The following PLCH1 variants were observed in gnomAD, a reference collection of about 807,000 sequenced individuals.
PLCH1 encodes 1-phosphatidylinositol 4,5-bisphosphate phosphodiesterase eta-1.
A neutral mutation model predicts 126.7 loss-of-function variants in PLCH1; 60 were observed. That is an observed-to-expected ratio of 0.47 (90% CI 0.38 to 0.59). PLCH1 has a LOEUF of 0.59. PLCH1 is among the 20% of genes least tolerant of loss of function. The pLI is 0.00. For missense variants in PLCH1, 1,723 were observed against 2,040.0 expected, an observed-to-expected ratio of 0.84 and a Z score of 2.99; for synonymous variants, 719 against 734.9, an observed-to-expected ratio of 0.98 and a Z score of 0.35.
At chr3:155,713,723 G>A (rs926357415) in intron 1 of PLCH1, among the ~76,000 whole-genome samples, 2 of 152,172 alleles carry the variant, frequency 1.3e-5, no homozygotes, top group Non-Finnish European at 2.9e-5. Context: ...TACTAACACT[G>A]TGTTTCAGGG....
chr3:155,719,476 T>G (rs1024281826), intron 1 of PLCH1, among the ~76,000 whole-genome samples: 8 of 152,096 alleles, frequency 5.3e-5, no homozygotes, highest in African/African-American at 1.9e-4. Context: ...GTAACAAACC[T>G]GCACGTTGTG....
chr3:155,574,178 G>A (rs1327219443), intron 6 of PLCH1, among the ~76,000 whole-genome samples: 1 of 152,102 alleles, frequency 6.6e-6, no homozygotes, highest in Non-Finnish European at 1.5e-5. Flanking sequence ...GCCTCCCAAA[G>A]TACTGGGATT....
At chr3:155,587,546 T>C (rs1436575613) in intron 4 of PLCH1, among the ~76,000 whole-genome samples, 1 of 152,254 alleles carries the variant, frequency 6.6e-6, no homozygotes, top group African/African-American at 2.4e-5. Flanking sequence ...CTGGCTTTGA[T>C]GGTTCTCACT....
At chr3:155,673,058 T>TC (rs1369033973) in intron 2 of PLCH1, among the ~76,000 whole-genome samples, 2 of 144,634 alleles carry the variant, frequency 1.4e-5, no homozygotes, top group Non-Finnish European at 3.0e-5. Context: ...CTTTTTTTTT[T>TC]TTTTTTTTTT....
chr3:155,595,708 C>CTATG (rs1732892650), intron 3 of PLCH1, among the ~76,000 whole-genome samples: 1 of 151,176 alleles, frequency 6.6e-6, no homozygotes. Context: ...TCTCATACAT[C>CTATG]TATGTATCTA....
intron 1 of PLCH1, among the ~76,000 whole-genome samples, chr3:155,711,486 C>T (rs1747119962): frequency 6.6e-6 from 1 of 152,054 alleles, no homozygotes; most frequent in South Asian, 2.1e-4. Context: ...TTTGTCAATA[C>T]TTTTAAAACT....
chr3:155,617,132 T>C (rs780793642), intron 2 of PLCH1, among the ~76,000 whole-genome samples: 2 of 152,172 alleles, frequency 1.3e-5, no homozygotes, highest in Admixed American at 1.3e-4. Flanking sequence ...TATCATTATG[T>C]GCCACTGGCA....
intron 14 of PLCH1, among the ~76,000 whole-genome samples, chr3:155,497,627 CACTT>C (rs1717246857): frequency 6.6e-6 from 1 of 152,232 alleles, no homozygotes; most frequent in Non-Finnish European, 1.5e-5. Context: ...CCCTTATCCT[CACTT>C]TCCCTTTCCA....
intron 9 of PLCH1, among the ~76,000 whole-genome samples, chr3:155,551,031 C>T (rs941046707): frequency 6.6e-6 from 1 of 152,136 alleles, no homozygotes; most frequent in African/African-American, 2.4e-5. Flanking sequence ...ATAGGTTTTA[C>T]CCTAAAGTGC....
intron 6 of PLCH1, among the ~76,000 whole-genome samples, chr3:155,573,303 G>A (rs1038095780): frequency 6.6e-6 from 1 of 152,172 alleles, no homozygotes; most frequent in Non-Finnish European, 1.5e-5. Flanking sequence ...ACATCTCAAT[G>A]CATAGATGGT....
At chr3:155,633,013 C>G (rs1002152059) in intron 2 of PLCH1, among the ~76,000 whole-genome samples, 1 of 152,062 alleles carries the variant, frequency 6.6e-6, no homozygotes, top group Admixed American at 6.6e-5. Context: ...TAACGTATTT[C>G]CAGATTTTTC....
chr3:155,545,522 T>C (rs1417434818), intron 10 of PLCH1, among the ~76,000 whole-genome samples: 1 of 151,414 alleles, frequency 6.6e-6, no homozygotes, highest in South Asian at 2.1e-4. Context: ...GAGGGAATCC[T>C]CCCTAACTCA....
chr3:155,553,962 C>A, intron 9 of PLCH1, 114 bp downstream of exon 9: 1 of 886,194 alleles, frequency 1.1e-6, no homozygotes. Context: ...ACTAGTCTAG[C>A]AAAGAGGGCA....
intron 2 of PLCH1, among the ~76,000 whole-genome samples, chr3:155,597,819 T>A (rs1733175184): frequency 6.6e-6 from 1 of 152,184 alleles, no homozygotes; most frequent in Non-Finnish European, 1.5e-5. Context: ...GATTCAATAC[T>A]ACAAAGAAGA....
At chr3:155,698,191 A>T (rs1216460281) in intron 2 of PLCH1, among the ~76,000 whole-genome samples, 1 of 152,362 alleles carries the variant, frequency 6.6e-6, no homozygotes, top group East Asian at 1.9e-4. Context: ...TATATGCTAC[A>T]CTAAGTTGAG....
intron 2 of PLCH1, among the ~76,000 whole-genome samples, chr3:155,684,592 A>C (rs948647973): frequency 6.6e-6 from 1 of 152,206 alleles, no homozygotes; most frequent in Non-Finnish European, 1.5e-5. Context: ...TTATTAAAAA[A>C]AAAGATGACC....
intron 2 of PLCH1, among the ~76,000 whole-genome samples, chr3:155,665,485 T>C (rs1449783801): frequency 6.6e-6 from 1 of 152,154 alleles, no homozygotes; most frequent in African/African-American, 2.4e-5. Flanking sequence ...CATGGTTAAA[T>C]AGTAAACTAG....
chr3:155,565,559 TCCC>T, intron 7 of PLCH1, among the ~76,000 whole-genome samples: 1 of 150,928 alleles, frequency 6.6e-6, no homozygotes, highest in Non-Finnish European at 1.5e-5. Context: ...CCCTCCAGCC[TCCC>T]CAGAGAAGCC....
intron 10 of PLCH1, 134 bp from the exon 11 acceptor site, chr3:155,524,138 C>T (rs1721585773): frequency 1.5e-6 from 1 of 675,100 alleles, no homozygotes; most frequent in Non-Finnish European, 2.6e-6. Context: ...GGAATCTTAG[C>T]CTTTAAGAAG....
Sources: gnomAD v4.1 joint callset for allele counts (sites outside exome capture counted in the v4.1 genomes callset) on GRCh38, gnomAD v4.1.1 for gene constraint, MANE v1.5 for transcripts, NCBI Gene and HGNC (gene_info 2026-07-23, HGNC 2026-07-21) for gene names.